H2AC7: variants seen among roughly 807,000 people sequenced by gnomAD.
H2AC7 encodes H2A clustered histone 7.
A neutral mutation model predicts 8.3 loss-of-function variants in H2AC7; 15 were observed. The ratio of observed to expected loss-of-function variants is 1.81; its 90% CI spans 1.21 to 2.79. The LOEUF (loss-of-function observed/expected upper bound fraction) is 2.79, where lower values mean the gene tolerates loss of function less well. Ranked by LOEUF, H2AC7 falls within the 30% of genes most tolerant of loss-of-function variation. The pLI, the probability that H2AC7 is intolerant of heterozygous loss-of-function variation, is 0.00. For missense variants in H2AC7, 283 were observed against 175.2 expected, an observed-to-expected ratio of 1.62 and a Z score of -3.47; for synonymous variants, 168 against 80.1, an observed-to-expected ratio of 2.10 and a Z score of -5.86.
chr6:26,199,248 A>T lies in H2AC7; in HGVS notation c.-5T>A, dbSNP rs374780488. On this transcript the variant is annotated 5_prime_UTR_variant, in exon 1 of 1. Transcript: ENST00000341023. The stretch of plus-strand genomic sequence containing the variant: ...TTGCTTGCCGCGTCCGGACATTTTG[A>T]ATTCTTAAAAACGATGTTAAGCAAT... The T allele has an allele frequency of 3.4e-4, 547 of 1,591,816 alleles. 2 individuals are homozygous for T. The African/African-American group carries it at 6.8e-3, about 20-fold the overall frequency.
In H2AC7 at chr6:26,199,025, G is replaced by A. The variant is rs201886747; in HGVS notation, c.219C>T (p.Asp73=). Reference sequence around the variant, plus strand: ...GGGGGATGATGCGGGTCTTCTTGTTGTCGCGGGCGGCGTTGCCCGCCAGCT... The same window carrying A: ...GGGGGATGATGCGGGTCTTCTTGTTATCGCGGGCGGCGTTGCCCGCCAGCT... ...ILELAGNAAR[D]NKKTRIIPRH... Residue 73 remains aspartate, a synonymous_variant, in exon 1 of 1, where the codon GAC becomes GAT. Coordinates refer to ENST00000341023, the MANE Select transcript of H2AC7 (RefSeq NM_021065.3). The A allele has an allele frequency of 3.6e-5, 58 of 1,614,140 alleles. No homozygotes were observed. Among genetic ancestry groups the A allele is most frequent in the Admixed American group, 5.0e-5 (3 of 60,028 alleles).
In H2AC7 at chr6:26,199,070, G is replaced by T. The variant is rs758858541; in HGVS notation, c.174C>A (p.Tyr58Ter). 8.7e-6 allele frequency: 14 copies of T among 1,614,058 alleles called. No homozygotes were observed. The Admixed American group carries it at 2.2e-4, about 25-fold the overall frequency. The change falls in exon 1 of 1, where the codon TAC becomes TAA. Residue 58 changes from tyrosine to a stop codon, truncating the protein, a stop_gained. Transcript: ENST00000341023. LOFTEE classifies it high-confidence loss of function. ...CCAGCTCCAGGATCTCGGCGGTCAG[G>T]TACTCCAACACCGCCGCCAGATACA... ...APVYLAAVLE[Y>*]LTAEILELAG... is the part of the protein sequence containing the mutation.
Position 26,198,884 on chromosome 6 carries a change from C to A in H2AC7, c.360G>T (p.Lys120Asn). The A allele has an allele frequency of 6.2e-7, 1 of 1,614,192 alleles. No homozygotes were observed. Among genetic ancestry groups the A allele is most frequent in the Non-Finnish European group, 8.5e-7 (1 of 1,180,028 alleles). The change falls in exon 1 of 1, where the codon AAG becomes AAT. Residue 120 changes from lysine to asparagine, a missense_variant. Physicochemically the swap from Lys to Asn is moderately conservative, Grantham distance 94. Coordinates refer to ENST00000341023, the MANE Select transcript of H2AC7 (RefSeq NM_021065.3). ...PNIQAVLLPK[K>N]TESHHKAKGK ...CCTTGGCCTTGTGGTGACTCTCAGT[C>A]TTCTTGGGGAGCAGTACAGCCTGGA...
rs752585239 is a variant in H2AC7 at position 26,199,270 on chromosome 6, C to G, written c.-27G>C. ...TTGAATTCTTAAAAACGATGTTAAG[C>G]AATGAAGACAAAAATGTAAAAGTGA... On this transcript the variant is annotated 5_prime_UTR_variant, in exon 1 of 1. Transcript: ENST00000341023. 24 of 1,580,338 alleles carry G rather than the reference C, an allele frequency of 1.5e-5. No individual in the cohort carries two copies. The highest frequency in any genetic ancestry group is 5.1e-6 in the Non-Finnish European group (6 of 1,170,702).
At position 26,199,173 on chromosome 6, in the gene H2AC7, A is replaced by C. The variant is rs1765065841; in HGVS notation, c.71T>G (p.Leu24Arg). The C allele has an allele frequency of 4.3e-6, 7 of 1,614,160 alleles. No individual in the cohort carries two copies. Among genetic ancestry groups the C allele is most frequent in the Non-Finnish European group, 5.9e-6 (7 of 1,179,994 alleles). ...GTGTACGCGGCCCACAGGGAACTGG[A>C]GTCCGGCCCGCGAAGAGCGGGTCTT... ...KAKTRSSRAG[L>R]QFPVGRVHRL... Residue 24 changes from leucine to arginine, a missense_variant, in exon 1 of 1, where the codon CTC becomes CGC. Transcript: ENST00000341023.
chr6:26,199,252 C>T lies in H2AC7; in HGVS notation c.-9G>A, dbSNP rs376523430. 1.4e-5 allele frequency: 23 copies of T among 1,591,828 alleles called. 2 individuals carry two copies. The highest frequency in any genetic ancestry group is 6.7e-5 in the East Asian group (3 of 44,814). ...TTGCCGCGTCCGGACATTTTGAATT[C>T]TTAAAAACGATGTTAAGCAATGAAG... On this transcript the variant is annotated 5_prime_UTR_variant, in exon 1 of 1. Transcript: ENST00000341023.
rs1765064385 is a variant in H2AC7, at chr6:26,199,136, G to GC, written c.107dup (p.Lys37GlnfsTer64). The GC allele has an allele frequency of 6.2e-7, 1 of 1,614,106 alleles. No individual in the cohort carries two copies. The highest frequency in any genetic ancestry group is 1.3e-5 in the African/African-American group (1 of 74,958). On this transcript the variant is annotated frameshift_variant, in exon 1 of 1. Transcript: ENST00000341023. LOFTEE classifies it high-confidence loss of function. ...CGACTCGCTCGGAGTAGTTGCCCTT[G>GC]CGGAGCAAGCGGTGTACGCGGCCCA...
rs1344121430 is a variant in H2AC7 at position 26,199,265 on chromosome 6, T to C, written c.-22A>G. The C allele has an allele frequency of 1.9e-6, 3 of 1,586,702 alleles. No homozygotes were observed. Among genetic ancestry groups the C allele is most frequent in the Non-Finnish European group, 1.7e-6 (2 of 1,172,788 alleles). Reference sequence around the variant, plus strand: ...ACATTTTGAATTCTTAAAAACGATGTTAAGCAATGAAGACAAAAATGTAAA... The same window carrying C: ...ACATTTTGAATTCTTAAAAACGATGCTAAGCAATGAAGACAAAAATGTAAA... On this transcript the variant is annotated 5_prime_UTR_variant, in exon 1 of 1. Transcript: ENST00000341023.
In H2AC7 at chr6:26,199,269, G is replaced by A. The variant is rs806793; in HGVS notation, c.-26C>T. 731 of 1,582,194 alleles carry A rather than the reference G, an allele frequency of 4.6e-4. 3 individuals are homozygous for A. The African/African-American group carries it at 7.9e-3, about 17-fold the overall frequency. ...TTTGAATTCTTAAAAACGATGTTAA[G>A]CAATGAAGACAAAAATGTAAAAGTG... On this transcript the variant is annotated 5_prime_UTR_variant, in exon 1 of 1. Coordinates refer to ENST00000341023, the MANE Select transcript of H2AC7 (RefSeq NM_021065.3).
At position 26,198,833 on chromosome 6, in the gene H2AC7, AAT is replaced by A. The variant is rs780158998; in HGVS notation, c.*16_*17del. Reference sequence around the variant, plus strand: ...GTTAAGACTGCTTCCTTAAAAAGCCAATATAAGAGTTCTCGTTTTACTTGCCC... The same window carrying A: ...GTTAAGACTGCTTCCTTAAAAAGCCAATAAGAGTTCTCGTTTTACTTGCCC... On this transcript the variant is annotated 3_prime_UTR_variant, in exon 1 of 1. Transcript: ENST00000341023. 3.0e-5 allele frequency: 48 copies of A among 1,606,654 alleles called. No homozygotes were observed. Among genetic ancestry groups the A allele is most frequent in the Non-Finnish European group, 4.0e-5 (47 of 1,178,214 alleles).
Position 26,199,199 on chromosome 6 carries a change from A to T in H2AC7, c.45T>A (p.Ala15=). Residue 15 remains alanine (A), a synonymous_variant, in exon 1 of 1, where the codon GCT becomes GCA. Transcript: ENST00000341023. Reference sequence around the variant, plus strand: ...GTCCGGCCCGCGAAGAGCGGGTCTTAGCCTTAGCTCGGGCCTTTCCGCCTT... The same window carrying T: ...GTCCGGCCCGCGAAGAGCGGGTCTTTGCCTTAGCTCGGGCCTTTCCGCCTT... ...GKQGGKARAK[A]KTRSSRAGLQ... 1 of 1,613,080 alleles carries T rather than the reference A, an allele frequency of 6.2e-7. No homozygotes were observed. The highest frequency in any genetic ancestry group is 1.3e-5 in the African/African-American group (1 of 74,990).
Position 26,198,857 on chromosome 6 carries a change from G to A in H2AC7, c.387C>T (p.Gly129=). 6.2e-7 allele frequency: 1 copy of A among 1,612,116 alleles called. No individual in the cohort carries two copies. Among genetic ancestry groups the A allele is most frequent in the Non-Finnish European group, 8.5e-7 (1 of 1,179,582 alleles). The change falls in exon 1 of 1, where the codon GGC becomes GGT. Residue 129 remains glycine (G), a synonymous_variant. Transcript: ENST00000341023. ...CAATATAAGAGTTCTCGTTTTACTT[G>A]CCCTTGGCCTTGTGGTGACTCTCAG... ...KKTESHHKAK[G]K
chr6:26,199,169 C>G lies in H2AC7; in HGVS notation c.75G>C (p.Gln25His). ...AGCGGTGTACGCGGCCCACAGGGAACTGGAGTCCGGCCCGCGAAGAGCGGG... is the reference window on the plus strand; with the variant it reads ...AGCGGTGTACGCGGCCCACAGGGAAGTGGAGTCCGGCCCGCGAAGAGCGGG... ...AKTRSSRAGL[Q>H]FPVGRVHRLL... The change falls in exon 1 of 1, where the codon CAG (glutamine) becomes CAC (histidine). Residue 25 changes from glutamine (Q) to histidine (H), a missense_variant. Coordinates refer to ENST00000341023, the MANE Select transcript of H2AC7 (RefSeq NM_021065.3). 1 of 1,614,186 alleles carries G rather than the reference C, an allele frequency of 6.2e-7. No homozygotes were observed. Among genetic ancestry groups the G allele is most frequent in the Non-Finnish European group, 8.5e-7 (1 of 1,180,004 alleles).
Position 26,199,138 on chromosome 6 carries a change from G to A in H2AC7, c.106C>T (p.Arg36Cys), listed in dbSNP as rs1485998386. 31 of 1,614,086 alleles carry A rather than the reference G, an allele frequency of 1.9e-5. No homozygotes were observed. The highest frequency in any genetic ancestry group is 2.4e-5 in the Non-Finnish European group (28 of 1,180,036). ...ACTCGCTCGGAGTAGTTGCCCTTGC[G>A]GAGCAAGCGGTGTACGCGGCCCACA... ...FPVGRVHRLL[R>C]KGNYSERVGA... is the part of the protein sequence containing the mutation. Residue 36 changes from arginine to cysteine, a missense_variant, in exon 1 of 1, where the codon CGC (arginine) becomes TGC (cysteine). Coordinates refer to ENST00000341023, the MANE Select transcript of H2AC7 (RefSeq NM_021065.3).
Position 26,199,249 on chromosome 6 carries a change from A to C in H2AC7, c.-6T>G, listed in dbSNP as rs752924283. The C allele has an allele frequency of 6.3e-7, 1 of 1,591,800 alleles. No homozygotes were observed. Among genetic ancestry groups the C allele is most frequent in the African/African-American group, 1.4e-5 (1 of 73,392 alleles). On this transcript the variant is annotated 5_prime_UTR_variant, in exon 1 of 1. Transcript: ENST00000341023. ...TGCTTGCCGCGTCCGGACATTTTGA[A>C]TTCTTAAAAACGATGTTAAGCAATG... is the stretch of plus-strand genomic sequence containing the variant.
rs774013948 is a variant in H2AC7 at position 26,199,010 on chromosome 6, G to C, written c.234C>G (p.Arg78=). ...GNAARDNKKT[R]IIPRHLQLAI... ...CCAGCTGCAGGTGTCGGGGGATGAT[G>C]CGGGTCTTCTTGTTGTCGCGGGCGG... Residue 78 remains arginine, a synonymous_variant, in exon 1 of 1, where the codon CGC becomes CGG. Transcript: ENST00000341023. The C allele has an allele frequency of 6.2e-6, 10 of 1,614,074 alleles. No homozygotes were observed. Among genetic ancestry groups the C allele is most frequent in the Non-Finnish European group, 7.6e-6 (9 of 1,180,040 alleles).
rs755558538 is a variant in H2AC7 at position 26,198,802 on chromosome 6, G to A, written c.*49C>T. ...GAATACATGGGTGGCTCTGAAAAGA[G>A]CCTTTGTTAAGACTGCTTCCTTAAA... is the stretch of plus-strand genomic sequence containing the variant. On this transcript the variant is annotated 3_prime_UTR_variant, in exon 1 of 1. Coordinates refer to ENST00000341023, the MANE Select transcript of H2AC7 (RefSeq NM_021065.3). The A allele has an allele frequency of 3.2e-6, 5 of 1,576,582 alleles. No individual in the cohort carries two copies. The highest frequency in any genetic ancestry group is 1.4e-5 in the African/African-American group (1 of 72,930).
Position 26,199,229 on chromosome 6 carries a change from G to A in H2AC7, c.15C>T (p.Gly5=), listed in dbSNP as rs776845667. 4 of 1,602,904 alleles carry A rather than the reference G, an allele frequency of 2.5e-6. No individual in the cohort carries two copies. Among genetic ancestry groups the A allele is most frequent in the African/African-American group, 2.7e-5 (2 of 74,312 alleles). ...TAGCTCGGGCCTTTCCGCCTTGCTTGCCGCGTCCGGACATTTTGAATTCTT... is the reference window on the plus strand; with the variant it reads ...TAGCTCGGGCCTTTCCGCCTTGCTTACCGCGTCCGGACATTTTGAATTCTT... The part of the protein sequence containing the change: MSGR[G]KQGGKARAKA... The change falls in exon 1 of 1, where the codon GGC becomes GGT. Residue 5 remains glycine (G), a synonymous_variant. Transcript: ENST00000341023.
In H2AC7 at chr6:26,199,092, T is replaced by C. The variant is rs776773287; in HGVS notation, c.152A>G (p.Tyr51Cys). 2.5e-6 allele frequency: 4 copies of C among 1,614,148 alleles called. No homozygotes were observed. The highest frequency in any genetic ancestry group is 1.3e-5 in the African/African-American group (1 of 75,070). The change falls in exon 1 of 1, where the codon TAT (tyrosine) becomes TGT (cysteine). Residue 51 changes from tyrosine (Y) to cysteine (C), a missense_variant. Coordinates refer to ENST00000341023, the MANE Select transcript of H2AC7 (RefSeq NM_021065.3). ...SERVGAGAPV[Y>C]LAAVLEYLTA... The stretch of plus-strand genomic sequence containing the variant: ...CAGGTACTCCAACACCGCCGCCAGA[T>C]ACACTGGCGCGCCGGCCCCGACTCG...
Sources: gnomAD v4.1 joint callset for allele counts on GRCh38, gnomAD v4.1.1 for gene constraint, MANE v1.5 for transcripts, NCBI Gene and HGNC (gene_info 2026-07-23, HGNC 2026-07-21) for gene names.